LIMCH1: variants seen among roughly 807,000 people sequenced by gnomAD.
LIMCH1 encodes LIM and calponin homology domains 1.
A neutral mutation model predicts 176.5 loss-of-function variants in LIMCH1; 113 were observed. That is an observed-to-expected ratio of 0.64 (90% CI 0.55 to 0.75). LIMCH1 has a LOEUF of 0.75. Ranked by LOEUF, LIMCH1 falls within the 30% of genes least tolerant of loss-of-function variation. The pLI, the probability that LIMCH1 is intolerant of heterozygous loss-of-function variation, is 0.00. For missense variants in LIMCH1, 1,674 were observed against 1,814.9 expected (o/e 0.92, Z 1.41); for synonymous variants, 619 against 645.9 (o/e 0.96, Z 0.63).
intron 1 of LIMCH1, among the ~76,000 whole-genome samples, chr4:41,585,880 C>A (rs6822125): frequency 0.35 from 52,833 of 151,860 alleles, 14,703 homozygotes; most frequent in African/African-American, 0.78. Flanking sequence ...GGTTGGAAAA[C>A]ATCCGAAATG....
intron 26 of LIMCH1, among the ~76,000 whole-genome samples, chr4:41,682,678 C>CTTTTTT (rs397975995): frequency 7.2e-6 from 1 of 139,050 alleles, no homozygotes; most frequent in African/African-American, 2.6e-5. Context: ...TCTTCTTCTT[C>CTTTTTT]TTTTTTTTTT....
At chr4:41,589,207 G>A (rs567763509) in intron 1 of LIMCH1, among the ~76,000 whole-genome samples, 41 of 152,118 alleles carry the variant, frequency 2.7e-4, no homozygotes, top group Non-Finnish European at 5.1e-4. Context: ...GGAAGAAGAG[G>A]GACTAAGGTA....
At chr4:41,478,088 A>T (rs1370880057) in intron 1 of LIMCH1, among the ~76,000 whole-genome samples, 1 of 152,240 alleles carries the variant, frequency 6.6e-6, no homozygotes, top group African/African-American at 2.4e-5. Context: ...AAGGGAGTTG[A>T]GCTACTGTGC....
intron 4 of LIMCH1, among the ~76,000 whole-genome samples, chr4:41,606,305 G>A (rs1360095748): frequency 6.6e-6 from 1 of 152,092 alleles, no homozygotes; most frequent in Non-Finnish European, 1.5e-5. Context: ...CTCAGTGCTT[G>A]TTTTCTTGGG....
At chr4:41,370,184 C>G (rs2053752352) in intron 1 of LIMCH1, among the ~76,000 whole-genome samples, 1 of 152,096 alleles carries the variant, frequency 6.6e-6, no homozygotes, top group Admixed American at 6.6e-5. Flanking sequence ...CAGCATTCGG[C>G]CTTAGGGCTC....
At chr4:41,635,236 C>CTTT (rs72130305) in intron 13 of LIMCH1, among the ~76,000 whole-genome samples, 1 of 143,292 alleles carries the variant, frequency 7.0e-6, no homozygotes, top group Non-Finnish European at 1.5e-5. Context: ...TTCTCTGTCA[C>CTTT]TTTTTTTTTT....
At chr4:41,690,676 T>G (rs1268081085) in intron 30 of LIMCH1, among the ~76,000 whole-genome samples, 1 of 152,194 alleles carries the variant, frequency 6.6e-6, no homozygotes, top group Non-Finnish European at 1.5e-5. Context: ...GCCTATAAGC[T>G]AAGAGAAAGT....
At chr4:41,396,517 G>A (rs111960712) in intron 1 of LIMCH1, among the ~76,000 whole-genome samples, 1 of 151,936 alleles carries the variant, frequency 6.6e-6, no homozygotes, top group African/African-American at 2.4e-5. Flanking sequence ...TGTATTGTGC[G>A]GGTTTTTTTT....
At chr4:41,690,607 G>A (rs1257007209) in intron 30 of LIMCH1, among the ~76,000 whole-genome samples, 1 of 151,948 alleles carries the variant, frequency 6.6e-6, no homozygotes, top group Non-Finnish European at 1.5e-5. Context: ...TTTATTTCTT[G>A]TTGGTAGTTT....
intron 1 of LIMCH1, among the ~76,000 whole-genome samples, chr4:41,460,385 C>G (rs1048463040): frequency 2.0e-5 from 3 of 147,432 alleles, no homozygotes; most frequent in Admixed American, 6.8e-5. Flanking sequence ...CATCCTTCAC[C>G]TATATTACAC....
chr4:41,586,418 T>A (rs2086484946), intron 1 of LIMCH1, among the ~76,000 whole-genome samples: 1 of 152,118 alleles, frequency 6.6e-6, no homozygotes, highest in African/African-American at 2.4e-5. Context: ...CCTAAATGCT[T>A]ATTTTCAATT....
intron 1 of LIMCH1, among the ~76,000 whole-genome samples, chr4:41,488,864 C>G (rs184672022): frequency 5.3e-4 from 81 of 152,156 alleles, no homozygotes; most frequent in Admixed American, 1.4e-3. Flanking sequence ...ACTATTCTTT[C>G]CTTTTCAATT....
At position 41,360,920 on chromosome 4, in the gene LIMCH1, C is replaced by T; in HGVS notation, c.80C>T (p.Ala27Val). Reference sequence around the variant, plus strand: ...CCCCCCGAGCCCGCCTTCTCCGAGGCGCAGAAGTGGATTGAGGTAGGTGCG... The same window carrying T: ...CCCCCCGAGCCCGCCTTCTCCGAGGTGCAGAAGTGGATTGAGGTAGGTGCG... Residue 27 changes from alanine (A) to valine (V), a missense_variant, in exon 1 of 27, where the codon GCG (alanine) becomes GTG (valine). Coordinates refer to the LIMCH1 transcript ENST00000313860. The surrounding 1 kb of genome is among the most constrained non-coding windows in gnomAD (Gnocchi z 4.5). The T allele has an allele frequency of 6.3e-7, 1 of 1,584,892 alleles. No homozygotes were observed. Among genetic ancestry groups the T allele is most frequent in the Non-Finnish European group, 8.6e-7 (1 of 1,168,856 alleles).
intron 1 of LIMCH1, among the ~76,000 whole-genome samples, chr4:41,565,363 A>ACACG (rs1409064920): frequency 1.4e-5 from 2 of 147,334 alleles, no homozygotes; most frequent in Non-Finnish European, 1.5e-5. Flanking sequence ...ACACACACAC[A>ACACG]CACACACACA....
intron 1 of LIMCH1, among the ~76,000 whole-genome samples, chr4:41,375,579 A>G (rs974079784): frequency 6.6e-6 from 1 of 152,188 alleles, no homozygotes; most frequent in Admixed American, 6.5e-5. Context: ...TCTCAGGTAA[A>G]GATATCTATT....
chr4:41,629,707 A>G lies in LIMCH1; in HGVS notation c.1244A>G (p.Glu415Gly). 1 of 1,535,968 alleles carries G rather than the reference A, an allele frequency of 6.5e-7. No individual in the cohort carries two copies. Among genetic ancestry groups the G allele is most frequent in the Non-Finnish European group, 8.7e-7 (1 of 1,146,836 alleles). ...NITEADLETW[E>G]RLKVSEKARD... ...ACAGAAGCTGACTTGGAGACGTGGG[A>G]GAGACTCAAAGTGTCAGAAAAGGCG... Residue 415 changes from glutamate (E) to glycine (G), a missense_variant, in exon 9 of 32, where the codon GAG becomes GGG. Glu to Gly is a moderately conservative substitution (Grantham distance 98). Around this residue, in one of 3 missense-constraint regions of LIMCH1, gnomAD observed 655 missense variants for 692.2 expected, o/e 0.95. Transcript: ENST00000503057.
chr4:41,446,156 T>C (rs955191289), intron 1 of LIMCH1, among the ~76,000 whole-genome samples: 7 of 152,146 alleles, frequency 4.6e-5, no homozygotes, highest in Non-Finnish European at 4.4e-5. Context: ...GCAGGTTCAA[T>C]TGGAACATCG....
chr4:41,483,784 A>G (rs866872807), intron 1 of LIMCH1, among the ~76,000 whole-genome samples: 1 of 152,320 alleles, frequency 6.6e-6, no homozygotes, highest in Middle Eastern at 3.4e-3. Flanking sequence ...TCTCAGGACC[A>G]ACTCAAATGT....
chr4:41,604,142 A>C (rs1442957408), intron 3 of LIMCH1: 8 of 923,342 alleles, frequency 8.7e-6, no homozygotes, highest in Non-Finnish European at 1.0e-5. Flanking sequence ...TAAACAAGTG[A>C]AAGCTTGTAC....
Sources: allele counts gnomAD v4.1 joint callset (sites outside exome capture counted in the v4.1 genomes callset), GRCh38; gene constraint gnomAD v4.1.1; regional missense constraint gnomAD v4.1.1; non-coding constraint Gnocchi (gnomAD v3.1); transcripts MANE v1.5; gene names NCBI Gene and HGNC (gene_info 2026-07-23, HGNC 2026-07-21).